PLXNC1: variants seen among roughly 807,000 people sequenced by gnomAD.
PLXNC1 encodes plexin-C1.
PLXNC1 carries 75 observed loss-of-function variants against 178.2 expected under a neutral mutation model. The ratio of observed to expected loss-of-function variants is 0.42; its 90% CI spans 0.35 to 0.51. The LOEUF is 0.51. Ranked by LOEUF, PLXNC1 falls within the 20% of genes least tolerant of loss-of-function variation. The pLI is 0.02. For synonymous variants in PLXNC1, 790 were observed against 779.9 expected (o/e 1.01, Z -0.22); for missense variants, 1,503 against 1,984.4 (o/e 0.76, Z 4.61).
In PLXNC1 at chr12:94,150,130, G is replaced by A. The variant is rs935788935; in HGVS notation, c.1062+97G>A. The stretch of plus-strand genomic sequence containing the variant: ...GAGCTGGGGGCGAGCGGCGGGGCGG[G>A]GGTACAGCCGGGTGACATTTACCAG... On this transcript the variant is annotated intron_variant, in intron 1 of 30. Coordinates refer to ENST00000258526, the MANE Select transcript of PLXNC1 (RefSeq NM_005761.3). The A allele has an allele frequency of 6.0e-6, 6 of 997,050 alleles. No homozygotes were observed. The Admixed American group carries it at 9.7e-5, about 16-fold the overall frequency. The allele number at this position is 997,050 out of a possible 1,614,324, so 61.8% of individuals were successfully genotyped here. A position where few individuals can be genotyped will look rare whatever the true frequency, so the allele number is the denominator to read the frequency against.
At chr12:94,254,953 C>T in intron 16 of PLXNC1, 65 bp downstream of exon 16, 2 of 1,292,678 alleles carry the variant, frequency 1.5e-6, no homozygotes, top group Non-Finnish European at 1.1e-6. Flanking sequence ...ATTTTTTTAC[C>T]CTTACATAGA....
chr12:94,262,112 CA>C (rs1452712720), intron 20 of PLXNC1, among the ~76,000 whole-genome samples: 1 of 152,182 alleles, frequency 6.6e-6, no homozygotes, highest in East Asian at 1.9e-4. Flanking sequence ...TCTTGGTCTT[CA>C]AAGGCCAACT....
chr12:94,175,063 A>G (rs1168551114), intron 2 of PLXNC1, among the ~76,000 whole-genome samples: 1 of 152,240 alleles, frequency 6.6e-6, no homozygotes, highest in African/African-American at 2.4e-5. Context: ...ACTGAGGCAC[A>G]TTAAATACTT....
Position 94,248,467 on chromosome 12 carries a change from C to T in PLXNC1, c.2778+55C>T, listed in dbSNP as rs1964591574. The stretch of plus-strand genomic sequence containing the variant: ...CTTTACCTGATTTTTGTGATAATTC[C>T]TTGGCTAAACCAGAGGCCAGAATGG... On this transcript the variant is annotated intron_variant, in intron 14 of 30. Transcript: ENST00000258526. The T allele has an allele frequency of 3.8e-6, 5 of 1,327,752 alleles. No individual in the cohort carries two copies. The South Asian group carries it at 7.0e-5, about 19-fold the overall frequency. The allele number at this position is 1,327,752 out of a possible 1,614,324, so 82.2% of individuals were successfully genotyped here.
intron 4 of PLXNC1, among the ~76,000 whole-genome samples, chr12:94,189,895 G>C (rs1007377685): frequency 2.6e-5 from 4 of 152,172 alleles, no homozygotes; most frequent in Admixed American, 2.6e-4. Flanking sequence ...CAGTCACCAA[G>C]AGAGTGAGGA....
At chr12:94,223,272 CAAAT>C (rs1057010293) in intron 6 of PLXNC1, among the ~76,000 whole-genome samples, 1 of 152,146 alleles carries the variant, frequency 6.6e-6, no homozygotes, top group Non-Finnish European at 1.5e-5. Flanking sequence ...AATAAACAAA[CAAAT>C]AAATAGTACC....
At chr12:94,212,206 G>A (rs1382959560) in intron 5 of PLXNC1, among the ~76,000 whole-genome samples, 11 of 148,140 alleles carry the variant, frequency 7.4e-5, no homozygotes, top group East Asian at 2.0e-4. Context: ...CCCGGGAGGC[G>A]GAGCTTGCAG....
intron 1 of PLXNC1, among the ~76,000 whole-genome samples, chr12:94,163,918 A>G (rs953698384): frequency 6.6e-6 from 1 of 152,164 alleles, no homozygotes; most frequent in Non-Finnish European, 1.5e-5. Flanking sequence ...TGTCCTTTCC[A>G]TCTCCTTAGC....
intron 15 of PLXNC1, chr12:94,254,415 C>A: frequency 2.3e-6 from 1 of 426,910 alleles, no homozygotes. Context: ...CATTCAAAAA[C>A]AATGGAACAA....
In PLXNC1 at chr12:94,297,357, G is replaced by C. The variant is rs376990208; in HGVS notation, c.4008G>C (p.Lys1336Asn). ...AAGCATTCCAAGATGTGCAAGGAAAGAGACATCGAGGGAAGCACAAGTTCA... is the reference window on the plus strand; with the variant it reads ...AAGCATTCCAAGATGTGCAAGGAAACAGACATCGAGGGAAGCACAAGTTCA... ...DSEAFQDVQG[K>N]RHRGKHKFKV... The change falls in exon 26 of 31, where the codon AAG (lysine) becomes AAC (asparagine). Residue 1336 changes from lysine to asparagine, a missense_variant. Coordinates refer to ENST00000258526, the MANE Select transcript of PLXNC1 (RefSeq NM_005761.3). The C allele has an allele frequency of 9.9e-6, 16 of 1,613,946 alleles. No individual in the cohort carries two copies. The highest frequency in any genetic ancestry group is 4.2e-6 in the Non-Finnish European group (5 of 1,179,956).
intron 5 of PLXNC1, among the ~76,000 whole-genome samples, chr12:94,218,698 TAC>T (rs540953544): frequency 1.2e-4 from 18 of 149,678 alleles, no homozygotes; most frequent in Admixed American, 2.0e-4. Context: ...GTCCCTACTA[TAC>T]ACACACACAC....
chr12:94,247,139 C>T (rs1048453773), intron 12 of PLXNC1, among the ~76,000 whole-genome samples: 7 of 152,042 alleles, frequency 4.6e-5, no homozygotes, highest in African/African-American at 9.7e-5. Flanking sequence ...CTCCAACTCC[C>T]GGGCTCACGT....
intron 21 of PLXNC1, among the ~76,000 whole-genome samples, chr12:94,275,043 C>T (rs1348679865): frequency 3.9e-5 from 6 of 152,212 alleles, no homozygotes; most frequent in African/African-American, 7.2e-5. Context: ...CGAAGTTAGA[C>T]GACTTCCCTA....
Position 94,254,905 on chromosome 12 carries a change from T to C in PLXNC1, c.2983+17T>C. On this transcript the variant is annotated intron_variant, in intron 16 of 30. Transcript: ENST00000258526. ...TACGTGACGGTAGGCTCCAAAATTGTGTTTGTAGAAAAACAAGCCTTTTAT... is the reference window on the plus strand; with the variant it reads ...TACGTGACGGTAGGCTCCAAAATTGCGTTTGTAGAAAAACAAGCCTTTTAT... The C allele has an allele frequency of 1.3e-6, 2 of 1,584,608 alleles. No individual in the cohort carries two copies. The highest frequency in any genetic ancestry group is 1.7e-6 in the Non-Finnish European group (2 of 1,159,310).
At position 94,248,546 on chromosome 12, in the gene PLXNC1, G is replaced by C; in HGVS notation, c.2778+134G>C. ...TTTAAATAGAAGATAAACAAAGCTG[G>C]TACTGCGAGCCCAAGCAAAATAGCT... On this transcript the variant is annotated intron_variant, in intron 14 of 30. Transcript: ENST00000258526. The C allele has an allele frequency of 8.0e-6, 6 of 752,768 alleles. No homozygotes were observed. The South Asian group carries it at 1.2e-4, about 15-fold the overall frequency. 46.6% of individuals were successfully genotyped at this position (752,768 alleles called of 1,614,324 possible).
chr12:94,243,384 C>A (rs1016787047), intron 11 of PLXNC1, among the ~76,000 whole-genome samples: 1 of 152,198 alleles, frequency 6.6e-6, no homozygotes, highest in Non-Finnish European at 1.5e-5. Context: ...AGTTATTTGG[C>A]CTGGTTTTAG....
At chr12:94,204,948 T>TA (rs1331370223) in intron 4 of PLXNC1, among the ~76,000 whole-genome samples, 1 of 152,204 alleles carries the variant, frequency 6.6e-6, no homozygotes, top group Non-Finnish European at 1.5e-5. Flanking sequence ...ACTTACCTGA[T>TA]ATGTAGTTAT....
intron 7 of PLXNC1, among the ~76,000 whole-genome samples, chr12:94,226,290 A>G (rs927869780): frequency 6.6e-5 from 10 of 152,120 alleles, no homozygotes; most frequent in Admixed American, 2.0e-4. Context: ...ATCCATCTCC[A>G]GAGGGACTTA....
intron 17 of PLXNC1, among the ~76,000 whole-genome samples, chr12:94,258,784 A>G (rs1269956887): frequency 6.6e-6 from 1 of 152,258 alleles, no homozygotes; most frequent in Non-Finnish European, 1.5e-5. Context: ...AGTCAGACAC[A>G]GAGAGGTTAG....
Sources: allele counts gnomAD v4.1 joint callset (sites outside exome capture counted in the v4.1 genomes callset), GRCh38; gene constraint gnomAD v4.1.1; transcripts MANE v1.5; gene names NCBI Gene and HGNC (gene_info 2026-07-23, HGNC 2026-07-21).